Variants in IGF2BP3 observed in about 807,000 individuals in gnomAD.
IGF2BP3 encodes insulin like growth factor 2 mRNA binding protein 3.
A neutral mutation model predicts 73.8 loss-of-function variants in IGF2BP3; 9 were observed. The ratio of observed to expected loss-of-function variants is 0.12; its 90% CI spans 0.07 to 0.21. IGF2BP3 has a LOEUF of 0.21. Among genes scored for constraint, IGF2BP3 ranks in the 10% least tolerant of loss-of-function variants. IGF2BP3 has a pLI of 1.00. For synonymous variants in IGF2BP3, 258 were observed against 256.7 expected (o/e 1.01, Z -0.05); for missense variants, 542 against 714.0 (o/e 0.76, Z 2.75).
At chr7:23,346,961 C>A (rs1784844499) in intron 7 of IGF2BP3, among the ~76,000 whole-genome samples, 2 of 152,120 alleles carry the variant, frequency 1.3e-5, no homozygotes. Flanking sequence ...TATGATATGG[C>A]ACCCACATAT....
At chr7:23,363,966 C>G (rs895880938) in intron 3 of IGF2BP3, among the ~76,000 whole-genome samples, 5 of 152,268 alleles carry the variant, frequency 3.3e-5, no homozygotes, top group Admixed American at 1.3e-4. Flanking sequence ...TGGCCGGGCA[C>G]AGTGGCTCAT....
chr7:23,413,388 G>C (rs1222005689), intron 3 of IGF2BP3: 1 of 152,188 alleles, frequency 6.6e-6, no homozygotes, highest in Non-Finnish European at 1.5e-5. Context: ...GGCTGAGGCA[G>C]GAGAATTGCT....
At chr7:23,332,557 C>T (rs1784470309) in intron 10 of IGF2BP3, among the ~76,000 whole-genome samples, 1 of 152,210 alleles carries the variant, frequency 6.6e-6, no homozygotes, top group Non-Finnish European at 1.5e-5. Flanking sequence ...GGGGCCTGTC[C>T]TGCACAGCTT....
intron 2 of IGF2BP3, among the ~76,000 whole-genome samples, chr7:23,459,279 T>C (rs1179225899): frequency 6.6e-6 from 1 of 152,152 alleles, no homozygotes; most frequent in Non-Finnish European, 1.5e-5. Context: ...GATTCATAAT[T>C]GGGGAAACAT....
chr7:23,427,136 C>T (rs13229067), intron 2 of IGF2BP3, among the ~76,000 whole-genome samples: 1 of 152,212 alleles, frequency 6.6e-6, no homozygotes, highest in Admixed American at 6.5e-5. Context: ...GCTTCTTTAT[C>T]TCAGGGCTTT....
At chr7:23,338,289 A>G (rs951666549) in intron 10 of IGF2BP3, among the ~76,000 whole-genome samples, 1 of 152,162 alleles carries the variant, frequency 6.6e-6, no homozygotes, top group African/African-American at 2.4e-5. Context: ...CTCCCTTGCA[A>G]TTGGTACTGA....
chr7:23,315,542 G>T (rs554211666), intron 12 of IGF2BP3, among the ~76,000 whole-genome samples: 2 of 152,272 alleles, frequency 1.3e-5, no homozygotes, highest in East Asian at 3.9e-4. Context: ...TTGACAAGCT[G>T]CCAGGGTAAA....
At chr7:23,383,386 T>C (rs1327736384) in intron 3 of IGF2BP3, among the ~76,000 whole-genome samples, 2 of 152,222 alleles carry the variant, frequency 1.3e-5, no homozygotes, top group African/African-American at 4.8e-5. Flanking sequence ...GAAAAGATGC[T>C]TGATATCATT....
At chr7:23,365,424 C>T (rs1785344851) in intron 3 of IGF2BP3, among the ~76,000 whole-genome samples, 1 of 152,118 alleles carries the variant, frequency 6.6e-6, no homozygotes, top group Non-Finnish European at 1.5e-5. Flanking sequence ...AAGTTAAACA[C>T]CTGTGATCTA....
intron 2 of IGF2BP3, among the ~76,000 whole-genome samples, chr7:23,457,475 A>T (rs73073099): frequency 0.012 from 1,833 of 151,588 alleles, 41 homozygotes; most frequent in African/African-American, 0.042. Context: ...AAAAAAAAAA[A>T]TTTTTTTTAA....
intron 12 of IGF2BP3, among the ~76,000 whole-genome samples, chr7:23,316,575 G>A (rs776628441): frequency 8.6e-5 from 13 of 151,304 alleles, no homozygotes; most frequent in Non-Finnish European, 1.6e-4. Context: ...CTCGGGAGGC[G>A]GAGGCAGGAG....
chr7:23,387,207 C>T (rs1216439265), intron 3 of IGF2BP3, among the ~76,000 whole-genome samples: 2 of 152,082 alleles, frequency 1.3e-5, no homozygotes, highest in East Asian at 3.8e-4. Flanking sequence ...TGAAGTCTTC[C>T]TCCTAGAAAG....
rs34674050 is a variant in IGF2BP3 at position 23,443,102 on chromosome 7, A to ATTT, written c.237-24281_237-24279dup. Among the ~76,000 whole-genome samples the ATTT allele has an allele frequency of 4.2e-4, 36 of 85,844 alleles. 2 individuals carry two copies. The highest frequency in any genetic ancestry group is 1.3e-3 in the African/African-American group (24 of 18,770). The allele number at this position is 85,844 out of a possible 152,430, so 56.3% of individuals were successfully genotyped here. On this transcript the variant is annotated intron_variant, in intron 2 of 14. Coordinates refer to ENST00000258729, the MANE Select transcript of IGF2BP3 (RefSeq NM_006547.3). ...ATCTACATATTTAAACATTACAGTGATTTTTTTTTTTTTTTTTTTTTTTTT... is the reference window on the plus strand; with the variant it reads ...ATCTACATATTTAAACATTACAGTGATTTTTTTTTTTTTTTTTTTTTTTTTTTT...
At chr7:23,424,938 CTT>C (rs765050539) in intron 2 of IGF2BP3, among the ~76,000 whole-genome samples, 3 of 152,314 alleles carry the variant, frequency 2.0e-5, no homozygotes, top group African/African-American at 7.2e-5. Flanking sequence ...ATAATCTGAT[CTT>C]GTTTATTCTA....
At chr7:23,467,447 G>A (rs941574599) in intron 2 of IGF2BP3, among the ~76,000 whole-genome samples, 1 of 152,182 alleles carries the variant, frequency 6.6e-6, no homozygotes, top group Non-Finnish European at 1.5e-5. Flanking sequence ...TGGGGGGATG[G>A]GAGAGGGGCA....
intron 12 of IGF2BP3, 146 bp from the exon 13 acceptor site, chr7:23,313,799 G>T: frequency 1.3e-6 from 1 of 773,710 alleles, no homozygotes; most frequent in South Asian, 2.0e-5. Context: ...TAACATAGAA[G>T]AGAGCAGTTA....
intron 2 of IGF2BP3, among the ~76,000 whole-genome samples, chr7:23,452,878 C>A (rs372234817): frequency 2.6e-5 from 4 of 151,362 alleles, no homozygotes; most frequent in South Asian, 4.2e-4. Context: ...CTTTGGGAGG[C>A]CGAGGCAGGC....
At chr7:23,422,528 C>G (rs1410917556) in intron 2 of IGF2BP3, among the ~76,000 whole-genome samples, 4 of 152,160 alleles carry the variant, frequency 2.6e-5, no homozygotes. Context: ...GTACTCCAGC[C>G]TGGGCAAGGG....
At position 23,451,333 on chromosome 7, in the gene IGF2BP3, G is replaced by A. The variant is rs909677428; in HGVS notation, c.236+17149C>T. The stretch of plus-strand genomic sequence containing the variant: ...CTCGGGAGGCTGAGGCAGGAGAATC[G>A]CTTGAACCCAGAAGCGGAGGCTGCA... On this transcript the variant is annotated intron_variant, in intron 2 of 14. Transcript: ENST00000258729. Among the ~76,000 whole-genome samples the A allele has an allele frequency of 6.6e-5, 10 of 152,174 alleles. No individual in the cohort carries two copies. In the East Asian group the frequency reaches 1.4e-3, roughly 21 times the overall value.
Sources: allele counts gnomAD v4.1 joint callset (sites outside exome capture counted in the v4.1 genomes callset), GRCh38; gene constraint gnomAD v4.1.1; transcripts MANE v1.5; gene names NCBI Gene and HGNC (gene_info 2026-07-23, HGNC 2026-07-21).